The following TBL1XR1 variants were observed in gnomAD, a reference collection of about 807,000 sequenced individuals.
TBL1XR1 encodes F-box-like/WD repeat-containing protein TBL1XR1.
TBL1XR1 carries 5 observed loss-of-function variants against 66.9 expected under a neutral mutation model. The ratio of observed to expected loss-of-function variants is 0.07; its 90% confidence interval spans 0.04 to 0.16. The LOEUF (loss-of-function observed/expected upper bound fraction) is 0.16. TBL1XR1 is among the 10% of genes least tolerant of loss of function. TBL1XR1 has a pLI of 1.00. For missense variants in TBL1XR1, 238 were observed against 623.2 expected (o/e 0.38, Z 6.58); for synonymous variants, 210 against 206.0 (o/e 1.02, Z -0.17).
chr3:177,138,184 G>A (rs1729216279), intron 1 of TBL1XR1, among the ~76,000 whole-genome samples: 1 of 152,150 alleles, frequency 6.6e-6, no homozygotes, highest in Non-Finnish European at 1.5e-5. Context: ...TACTTCATCA[G>A]GGCACTGCAT....
At chr3:177,054,057 T>C (rs1005760257) in intron 3 of TBL1XR1, 139 bp from the exon 4 acceptor site, 31 of 638,846 alleles carry the variant, frequency 4.9e-5, no homozygotes, top group South Asian at 3.3e-4. Flanking sequence ...TGTGTGTGTG[T>C]GTGTGTGTGT....
chr3:177,021,971 TG>T lies in TBL1XR1; in HGVS notation c.*3526del, dbSNP rs898559524. ...TTTTGCTCACTTAAGTATGATCATTTGTGATTCCTTTAAATAGCAAAAATGC... is the reference window on the plus strand; with the variant it reads ...TTTTGCTCACTTAAGTATGATCATTTTGATTCCTTTAAATAGCAAAAATGC... On this transcript the variant is annotated 3_prime_UTR_variant, in exon 16 of 16. Transcript: ENST00000457928. The T allele has an allele frequency of 8.5e-5, 13 of 152,606 alleles. No homozygotes were observed. The highest frequency in any genetic ancestry group is 3.1e-4 in the African/African-American group (13 of 41,456). The allele number at this position is 152,606 out of a possible 1,614,324, so 9.5% of individuals were successfully genotyped here.
chr3:177,139,521 C>T (rs1360043195), intron 1 of TBL1XR1, among the ~76,000 whole-genome samples: 1 of 141,048 alleles, frequency 7.1e-6, no homozygotes, highest in South Asian at 2.3e-4. Flanking sequence ...GGTGACAAAG[C>T]AAGACTCCAT....
intron 1 of TBL1XR1, among the ~76,000 whole-genome samples, chr3:177,099,921 GTAC>G (rs1723979765): frequency 6.6e-6 from 1 of 152,206 alleles, no homozygotes; most frequent in African/African-American, 2.4e-5. Flanking sequence ...TAATTAACAT[GTAC>G]TACTAAATAA....
At chr3:177,098,199 C>T (rs543627356) in intron 2 of TBL1XR1, among the ~76,000 whole-genome samples, 63 of 148,316 alleles carry the variant, frequency 4.2e-4, no homozygotes, top group African/African-American at 1.4e-3. Context: ...CCAACAAGAA[C>T]GAAACTCCGT....
In TBL1XR1 at chr3:177,054,073, TGC is replaced by T. The variant is rs1553817809; in HGVS notation, c.59-157_59-156del. ...GTGTGTGTGTGTGTGTGTGTGTGTG[TGC>T]GCGCGCGTGTGTGTGCATGTAAACA... On this transcript the variant is annotated intron_variant, in intron 3 of 15. Coordinates refer to ENST00000457928, the MANE Select transcript of TBL1XR1 (RefSeq NM_024665.7). 5.6e-5 allele frequency among the ~76,000 whole-genome samples: 7 copies of T among 124,914 alleles called. No homozygotes were observed. In the South Asian group the frequency reaches 8.2e-4, roughly 15 times the overall value. 81.9% of individuals were successfully genotyped at this position (124,914 alleles called of 152,430 possible).
At chr3:177,107,852 T>C (rs896769301) in intron 1 of TBL1XR1, among the ~76,000 whole-genome samples, 6 of 152,184 alleles carry the variant, frequency 3.9e-5, no homozygotes, top group Non-Finnish European at 5.9e-5. Context: ...TTCTCAGTCA[T>C]TGGCACGCAA....
Position 177,064,786 on chromosome 3 carries a change from A to C in TBL1XR1, c.58+134T>G, listed in dbSNP as rs1053835663. The stretch of plus-strand genomic sequence containing the variant: ...AAACCATGCAGTAAAACATAGCTTT[A>C]AAATGGCAGTCCAGACATTAAGAAA... On this transcript the variant is annotated intron_variant, in intron 3 of 15. Transcript: ENST00000457928. 6.2e-6 allele frequency: 4 copies of C among 648,394 alleles called. No individual in the cohort carries two copies. The African/African-American group carries it at 7.7e-5, about 12-fold the overall frequency. 40.2% of individuals were successfully genotyped at this position (648,394 alleles called of 1,614,324 possible).
intron 2 of TBL1XR1, among the ~76,000 whole-genome samples, chr3:177,071,435 G>GA (rs1047417413): frequency 3.9e-5 from 6 of 152,074 alleles, no homozygotes; most frequent in East Asian, 3.9e-4. Flanking sequence ...CCTCATGAGG[G>GA]AAAAAAATCC....
chr3:177,051,614 T>C lies in TBL1XR1; in HGVS notation c.317A>G (p.Gln106Arg), dbSNP rs760750099. 1 of 1,613,626 alleles carries C rather than the reference T, an allele frequency of 6.2e-7. No homozygotes were observed. The highest frequency in any genetic ancestry group is 1.1e-5 in the South Asian group (1 of 91,068). ...GGCAGCTGCAGCAGCTGCTGCCTGT[T>C]GCTGTGCAAGCTTATCTCTATAAGC... ...QQAYRDKLAQ[Q>R]QAAAAAAAAA... is the part of the protein sequence containing the mutation. The change falls in exon 5 of 16, where the codon CAA becomes CGA. Residue 106 changes from glutamine (Q) to arginine (R), a missense_variant. This residue lies in a region of TBL1XR1 where 80 missense variants were observed against 100.5 expected (regional missense o/e 0.80). Coordinates refer to ENST00000457928, the MANE Select transcript of TBL1XR1 (RefSeq NM_024665.7).
intron 14 of TBL1XR1, among the ~76,000 whole-genome samples, chr3:177,030,619 CACA>C (rs924670658): frequency 4.6e-5 from 7 of 152,234 alleles, no homozygotes; most frequent in East Asian, 3.9e-4. Flanking sequence ...GGAAGAGATT[CACA>C]ACAGTGTGGC....
intron 13 of TBL1XR1, among the ~76,000 whole-genome samples, 200 bp from the exon 14 acceptor site, chr3:177,033,336 G>C (rs1359399705): frequency 6.6e-6 from 1 of 152,076 alleles, no homozygotes; most frequent in African/African-American, 2.4e-5. Context: ...AATTTAGAAA[G>C]AAGAGCAAGT....
chr3:177,172,957 G>A (rs1270869062), intron 1 of TBL1XR1, among the ~76,000 whole-genome samples: 2 of 152,126 alleles, frequency 1.3e-5, no homozygotes, highest in Non-Finnish European at 2.9e-5. Context: ...CAGATCACCT[G>A]AGGTCAGGAG....
chr3:177,167,682 G>C (rs1732987032), intron 1 of TBL1XR1, among the ~76,000 whole-genome samples: 2 of 152,214 alleles, frequency 1.3e-5, no homozygotes. Context: ...TGTAATCCCA[G>C]CACTCTGGGA....
intron 1 of TBL1XR1, among the ~76,000 whole-genome samples, chr3:177,125,051 CAA>C (rs1195539048): frequency 6.6e-6 from 1 of 150,752 alleles, no homozygotes; most frequent in Admixed American, 6.6e-5. Flanking sequence ...GTACAAGAAA[CAA>C]AAGAAAAAAA....
At chr3:177,178,836 A>C (rs1339274184) in intron 1 of TBL1XR1, among the ~76,000 whole-genome samples, 3 of 152,086 alleles carry the variant, frequency 2.0e-5, no homozygotes, top group Non-Finnish European at 4.4e-5. Context: ...CCTGATTATC[A>C]GTCAGGCGCA....
At chr3:177,031,148 C>T (rs1317668570) in intron 14 of TBL1XR1, among the ~76,000 whole-genome samples, 1 of 151,952 alleles carries the variant, frequency 6.6e-6, no homozygotes, top group African/African-American at 2.4e-5. Context: ...TAAAGTTTAG[C>T]TGGGTGTATG....
chr3:177,062,109 G>A (rs1341624344), intron 3 of TBL1XR1, among the ~76,000 whole-genome samples: 4 of 152,008 alleles, frequency 2.6e-5, no homozygotes, highest in Non-Finnish European at 4.4e-5. Flanking sequence ...ACATAAAAAC[G>A]CCTCATTATT....
intron 2 of TBL1XR1, among the ~76,000 whole-genome samples, chr3:177,071,975 G>A (rs1481691995): frequency 6.6e-6 from 1 of 152,190 alleles, no homozygotes; most frequent in Non-Finnish European, 1.5e-5. Context: ...CTGGGGAGAA[G>A]AGAAGTACAT....
Sources: allele counts gnomAD v4.1 joint callset (sites outside exome capture counted in the v4.1 genomes callset), GRCh38; gene constraint gnomAD v4.1.1; regional missense constraint gnomAD v4.1.1; transcripts MANE v1.5; gene names NCBI Gene and HGNC (gene_info 2026-07-23, HGNC 2026-07-21).